NKAIN2: variants seen among roughly 807,000 people sequenced by gnomAD.
The protein encoded by NKAIN2 is sodium/potassium-transporting ATPase subunit beta-1-interacting protein 2.
NKAIN2 carries 14 observed loss-of-function variants against 32.6 expected under a neutral mutation model. That is an observed-to-expected ratio of 0.43 (90% confidence interval 0.28 to 0.67). The LOEUF (loss-of-function observed/expected upper bound fraction) is 0.67. Among genes scored for constraint, NKAIN2 ranks in the 30% least tolerant of loss-of-function variants. NKAIN2 has a pLI of 0.17. For missense variants in NKAIN2, 198 were observed against 258.3 expected, an observed-to-expected ratio of 0.77 and a Z score of 1.60; for synonymous variants, 80 against 87.2, an observed-to-expected ratio of 0.92 and a Z score of 0.46.
At chr6:124,372,547 T>G (rs2114332420) in intron 3 of NKAIN2, among the ~76,000 whole-genome samples, 1 of 152,314 alleles carries the variant, frequency 6.6e-6, no homozygotes, top group East Asian at 1.9e-4. Flanking sequence ...ATACTCAAGT[T>G]TACTTCACAC....
intron 1 of NKAIN2, among the ~76,000 whole-genome samples, chr6:124,199,323 C>G (rs565783887): frequency 6.6e-6 from 1 of 152,184 alleles, no homozygotes; most frequent in East Asian, 1.9e-4. Flanking sequence ...TTTAAAGAAT[C>G]ATGAAAGGTG....
intron 1 of NKAIN2, among the ~76,000 whole-genome samples, chr6:124,114,445 A>G (rs1785517850): frequency 6.6e-6 from 1 of 152,108 alleles, no homozygotes; most frequent in Non-Finnish European, 1.5e-5. Flanking sequence ...TTAATTTTAT[A>G]TTCCTATTAG....
intron 1 of NKAIN2, among the ~76,000 whole-genome samples, chr6:123,985,386 G>A (rs1211894596): frequency 2.6e-5 from 4 of 152,046 alleles, no homozygotes; most frequent in Non-Finnish European, 4.4e-5. Flanking sequence ...GGCAACAAGA[G>A]CAAAACTTTG....
intron 1 of NKAIN2, among the ~76,000 whole-genome samples, chr6:124,054,992 C>A (rs1315205549): frequency 6.6e-6 from 1 of 151,946 alleles, no homozygotes; most frequent in Non-Finnish European, 1.5e-5. Flanking sequence ...TTGTTAATTT[C>A]CTATTGGATA....
intron 1 of NKAIN2, among the ~76,000 whole-genome samples, chr6:123,969,709 G>A (rs1034630494): frequency 1.3e-5 from 2 of 152,178 alleles, no homozygotes; most frequent in African/African-American, 4.8e-5. Flanking sequence ...AGTTGCCAGT[G>A]TCTAGATGGG....
chr6:123,951,926 G>C (rs543678451), intron 1 of NKAIN2, among the ~76,000 whole-genome samples: 1 of 149,664 alleles, frequency 6.7e-6, no homozygotes, highest in East Asian at 2.0e-4. Flanking sequence ...GTACAGTCTG[G>C]CGGTTTTCTA....
intron 2 of NKAIN2, among the ~76,000 whole-genome samples, chr6:124,323,462 T>C (rs1265958997): frequency 2.0e-5 from 3 of 152,204 alleles, no homozygotes; most frequent in Non-Finnish European, 4.4e-5. Flanking sequence ...TTTGAATTAA[T>C]TTTTGCATAA....
chr6:124,742,322 G>A (rs1256344794), intron 4 of NKAIN2, among the ~76,000 whole-genome samples: 2 of 151,856 alleles, frequency 1.3e-5, no homozygotes, highest in South Asian at 2.1e-4. Flanking sequence ...GGCCTGAATA[G>A]AACAAAAGGC....
At chr6:124,727,113 AC>A (rs1776366233) in intron 4 of NKAIN2, among the ~76,000 whole-genome samples, 1 of 152,286 alleles carries the variant, frequency 6.6e-6, no homozygotes, top group South Asian at 2.1e-4. Flanking sequence ...GGAGAATGGA[AC>A]CCAGTTGGAA....
intron 3 of NKAIN2, among the ~76,000 whole-genome samples, chr6:124,454,849 A>C (rs904708168): frequency 1.3e-5 from 2 of 152,054 alleles, no homozygotes; most frequent in African/African-American, 4.8e-5. Flanking sequence ...ATCCCTTAGC[A>C]TTGAAAACAA....
At chr6:124,441,059 A>T (rs1220005208) in intron 3 of NKAIN2, among the ~76,000 whole-genome samples, 1 of 152,132 alleles carries the variant, frequency 6.6e-6, no homozygotes, top group Non-Finnish European at 1.5e-5. Flanking sequence ...ATTGTGTCTT[A>T]AACAGGCAAT....
At chr6:124,264,125 T>C (rs889307349) in intron 1 of NKAIN2, among the ~76,000 whole-genome samples, 3 of 152,244 alleles carry the variant, frequency 2.0e-5, no homozygotes, top group Admixed American at 6.5e-5. Flanking sequence ...TTTATTTTAA[T>C]TTTCATAAGA....
At chr6:124,187,418 A>G (rs1012048828) in intron 1 of NKAIN2, among the ~76,000 whole-genome samples, 1 of 152,068 alleles carries the variant, frequency 6.6e-6, no homozygotes, top group Non-Finnish European at 1.5e-5. Context: ...GGCTTTCTTT[A>G]TTCTATAGCT....
intron 1 of NKAIN2, among the ~76,000 whole-genome samples, chr6:123,997,608 T>C (rs1297838563): frequency 2.2e-5 from 3 of 136,060 alleles, no homozygotes; most frequent in Non-Finnish European, 4.6e-5. Context: ...TTTTTTTTTT[T>C]TTTTTTTTTT....
intron 4 of NKAIN2, among the ~76,000 whole-genome samples, chr6:124,660,793 C>T (rs1784718952): frequency 6.6e-6 from 1 of 152,144 alleles, no homozygotes; most frequent in African/African-American, 2.4e-5. Flanking sequence ...CTTATCTAGC[C>T]AGCTTTGGGT....
At chr6:124,448,503 T>C (rs1192288444) in intron 3 of NKAIN2, among the ~76,000 whole-genome samples, 1 of 152,136 alleles carries the variant, frequency 6.6e-6, no homozygotes, top group African/African-American at 2.4e-5. Flanking sequence ...ACAATCCATA[T>C]TCAGGGGACT....
At chr6:124,549,662 A>G (rs1562250840) in intron 3 of NKAIN2, among the ~76,000 whole-genome samples, 1 of 152,310 alleles carries the variant, frequency 6.6e-6, no homozygotes, top group East Asian at 1.9e-4. Context: ...AATCTGAGAC[A>G]GGTTTTCAGT....
intron 1 of NKAIN2, among the ~76,000 whole-genome samples, chr6:123,881,294 T>A (rs1208885912): frequency 6.6e-6 from 1 of 152,154 alleles, no homozygotes; most frequent in Admixed American, 6.5e-5. Context: ...AGTGCTGGGA[T>A]TACAAACATG....
chr6:123,975,720 T>C (rs567089739), intron 1 of NKAIN2, among the ~76,000 whole-genome samples: 47 of 152,216 alleles, frequency 3.1e-4, no homozygotes, highest in Admixed American at 5.9e-4. Context: ...GAGAGTCTCT[T>C]AGCCCTTTAT....
Sources: allele counts gnomAD v4.1 joint callset (sites outside exome capture counted in the v4.1 genomes callset), GRCh38; gene constraint gnomAD v4.1.1; transcripts MANE v1.5; gene names NCBI Gene and HGNC (gene_info 2026-07-23, HGNC 2026-07-21).